Variants in UNC13C observed in about 807,000 individuals in gnomAD.
The protein encoded by UNC13C is protein unc-13 homolog C.
Under a neutral mutation model 245.4 loss-of-function variants are expected in UNC13C, and 174 were observed. That is an observed-to-expected ratio of 0.71 (90% CI 0.63 to 0.80). The LOEUF (loss-of-function observed/expected upper bound fraction) is 0.80, where lower values mean the gene tolerates loss of function less well. Among genes scored for constraint, UNC13C ranks in the 30% least tolerant of loss-of-function variants. UNC13C has a pLI of 0.00. For missense variants in UNC13C, 2,829 were observed against 2,602.9 expected (o/e 1.09, Z -1.89); for synonymous variants, 992 against 895.1 (o/e 1.11, Z -1.93).
chr15:54,083,125 G>A (rs554032628), intron 2 of UNC13C, among the ~76,000 whole-genome samples: 1 of 152,170 alleles, frequency 6.6e-6, no homozygotes, highest in Non-Finnish European at 1.5e-5. Context: ...GAGAGACTGT[G>A]TTGGGGTGTT....
chr15:53,885,324 C>T, the UNC13C span, among the ~76,000 whole-genome samples: 1 of 152,208 alleles, frequency 6.6e-6, no homozygotes, highest in Non-Finnish European at 1.5e-5. Context: ...CCTCTCTCTT[C>T]CAAAGCAAGC....
intron 4 of UNC13C, among the ~76,000 whole-genome samples, chr15:54,154,539 A>G (rs1464881006): frequency 1.3e-5 from 2 of 152,320 alleles, no homozygotes; most frequent in Non-Finnish European, 2.9e-5. Flanking sequence ...TGATACAGTA[A>G]TTAACAACTA....
intron 19 of UNC13C, among the ~76,000 whole-genome samples, chr15:54,456,286 G>T (rs146207661): frequency 7.3e-4 from 111 of 152,206 alleles, no homozygotes; most frequent in African/African-American, 2.5e-3. Flanking sequence ...GGGTAATGTG[G>T]TGCTTCCAGA....
At chr15:53,903,246 C>G in the UNC13C span, among the ~76,000 whole-genome samples, 1 of 152,170 alleles carries the variant, frequency 6.6e-6, no homozygotes, top group South Asian at 2.1e-4. Context: ...TGGCTTGATC[C>G]CAGAAGATGT....
chr15:53,993,479 G>T (rs1345179305), intron 1 of UNC13C, among the ~76,000 whole-genome samples: 3 of 152,002 alleles, frequency 2.0e-5, no homozygotes, highest in African/African-American at 4.8e-5. Flanking sequence ...TCCTGAAGGG[G>T]GTATCTGTGT....
intron 4 of UNC13C, among the ~76,000 whole-genome samples, chr15:54,157,521 G>A: frequency 6.6e-6 from 1 of 152,114 alleles, no homozygotes; most frequent in Non-Finnish European, 1.5e-5. Context: ...TCTTGGAACT[G>A]GGGAGTTTCT....
At chr15:54,413,263 CTTT>C in intron 18 of UNC13C, among the ~76,000 whole-genome samples, 1 of 151,564 alleles carries the variant, frequency 6.6e-6, no homozygotes, top group Admixed American at 6.6e-5. Context: ...TTCTTTAGTT[CTTT>C]GTTTCTTGTA....
At chr15:54,572,070 C>T (rs1226283307) in intron 30 of UNC13C, among the ~76,000 whole-genome samples, 1 of 152,224 alleles carries the variant, frequency 6.6e-6, no homozygotes, top group East Asian at 1.9e-4. Flanking sequence ...AGACCACTTA[C>T]CTTTTGATGC....
At chr15:54,151,738 G>T (rs1595916691) in intron 4 of UNC13C, among the ~76,000 whole-genome samples, 1 of 152,092 alleles carries the variant, frequency 6.6e-6, no homozygotes, top group East Asian at 1.9e-4. Flanking sequence ...TTCAAGCCAC[G>T]ATGCACACAA....
chr15:54,015,835 A>G lies in UNC13C; in HGVS notation c.2932A>G (p.Arg978Gly). 6.2e-7 allele frequency: 1 copy of G among 1,606,574 alleles called. No homozygotes were observed. The highest frequency in any genetic ancestry group is 1.1e-5 in the South Asian group (1 of 89,868). ...IRPSFKEAAL[R>G]AYKKQMAELE... ...TCCTTCTTTCAAAGAAGCAGCTTTA[A>G]GGGCCTATAAAAAGCAAATGGCAGA... The change falls in exon 2 of 33, where the codon AGG becomes GGG. Residue 978 changes from arginine to glycine, a missense_variant. Coordinates refer to ENST00000260323, the MANE Select transcript of UNC13C (RefSeq NM_001080534.3).
chr15:54,301,612 A>G (rs568101178), intron 13 of UNC13C, among the ~76,000 whole-genome samples: 1 of 152,312 alleles, frequency 6.6e-6, no homozygotes, highest in South Asian at 2.1e-4. Context: ...TGCAAAGGAC[A>G]TGAACTCATC....
intron 8 of UNC13C, among the ~76,000 whole-genome samples, chr15:54,263,408 C>T (rs1259092516): frequency 6.6e-6 from 1 of 152,086 alleles, no homozygotes; most frequent in East Asian, 1.9e-4. Flanking sequence ...TAGCCAGTAG[C>T]TTAAGGTTAG....
chr15:54,134,724 C>T (rs1250007374), intron 2 of UNC13C, among the ~76,000 whole-genome samples: 1 of 151,962 alleles, frequency 6.6e-6, no homozygotes, highest in Non-Finnish European at 1.5e-5. Flanking sequence ...GGGGTTTCAC[C>T]AAAATAGGTT....
intron 13 of UNC13C, among the ~76,000 whole-genome samples, chr15:54,307,957 T>G (rs1030030787): frequency 6.6e-6 from 1 of 151,974 alleles, no homozygotes; most frequent in African/African-American, 2.4e-5. Context: ...TGATGAATAT[T>G]GTTTTAGTGT....
rs539716506 is a variant in UNC13C, at chr15:54,156,536, C to A, written c.3071+12852C>A. On this transcript the variant is annotated intron_variant, in intron 4 of 32. Coordinates refer to ENST00000260323, the MANE Select transcript of UNC13C (RefSeq NM_001080534.3). Reference sequence around the variant, plus strand: ...ACAGAATCTTATAATTTAGAAGGTTCCCCACGTTTAACAATAAGTTGCATT... The same window carrying A: ...ACAGAATCTTATAATTTAGAAGGTTACCCACGTTTAACAATAAGTTGCATT... Among the ~76,000 whole-genome samples, 26 of 152,222 alleles carry A rather than the reference C, an allele frequency of 1.7e-4. No homozygotes were observed. In the East Asian group the frequency reaches 3.5e-3, roughly 20 times the overall value.
At chr15:54,197,486 T>A (rs2034393759) in intron 4 of UNC13C, among the ~76,000 whole-genome samples, 1 of 151,790 alleles carries the variant, frequency 6.6e-6, no homozygotes, top group African/African-American at 2.4e-5. Context: ...GAAAAATTAA[T>A]AAGCACATTT....
chr15:54,250,518 TCAAC>T, intron 8 of UNC13C, 74 bp downstream of exon 8: 1 of 1,374,310 alleles, frequency 7.3e-7, no homozygotes, highest in East Asian at 2.4e-5. Flanking sequence ...TTAGATCACT[TCAAC>T]TCTTGCTGGT....
chr15:54,607,905 G>T (rs1899858469), intron 30 of UNC13C, among the ~76,000 whole-genome samples: 1 of 152,126 alleles, frequency 6.6e-6, no homozygotes, highest in African/African-American at 2.4e-5. Context: ...CATAAGATTT[G>T]GGTGGGGACA....
intron 30 of UNC13C, among the ~76,000 whole-genome samples, chr15:54,607,976 TCTC>T (rs1390907631): frequency 1.3e-5 from 2 of 152,232 alleles, no homozygotes. Context: ...TTTCATAACT[TCTC>T]CTCAAAAGGA....
Sources: gnomAD v4.1 joint callset for allele counts (sites outside exome capture counted in the v4.1 genomes callset) on GRCh38, gnomAD v4.1.1 for gene constraint, MANE v1.5 for transcripts, NCBI Gene and HGNC (gene_info 2026-07-23, HGNC 2026-07-21) for gene names.